Variants in MAF observed in about 807,000 individuals in gnomAD.
The protein encoded by MAF is MAF bZIP transcription factor, also known as transcription factor Maf.
Under a neutral mutation model 22.0 loss-of-function variants are expected in MAF, and 10 were observed. That is an observed-to-expected ratio of 0.45 (90% CI 0.28 to 0.77). The LOEUF (loss-of-function observed/expected upper bound fraction) is 0.77. MAF is among the 30% of genes least tolerant of loss of function. The pLI, the probability that MAF is intolerant of heterozygous loss-of-function variation, is 0.12. For synonymous variants in MAF, 337 were observed against 255.8 expected, an observed-to-expected ratio of 1.32 and a Z score of -3.03; for missense variants, 544 against 548.4, an observed-to-expected ratio of 0.99 and a Z score of 0.08.
At chr16:79,311,171 T>C in the MAF span, among the ~76,000 whole-genome samples, 16 of 152,210 alleles carry the variant, frequency 1.1e-4, no homozygotes, top group African/African-American at 3.9e-4. Context: ...CAGCCCTCTC[T>C]CTGGGCTCTA....
At chr16:79,471,178 G>A in the MAF span, among the ~76,000 whole-genome samples, 11 of 152,214 alleles carry the variant, frequency 7.2e-5, no homozygotes, top group Non-Finnish European at 1.6e-4. Flanking sequence ...TGCAGGGTAA[G>A]ATGGAGAGGC....
At chr16:79,344,839 G>A in the MAF span, among the ~76,000 whole-genome samples, 1 of 152,100 alleles carries the variant, frequency 6.6e-6, no homozygotes, top group Non-Finnish European at 1.5e-5. Context: ...AGAACATAAG[G>A]ACCGATTTGA....
the MAF span, among the ~76,000 whole-genome samples, chr16:79,425,359 G>A: frequency 6.6e-6 from 1 of 151,692 alleles, no homozygotes; most frequent in Non-Finnish European, 1.5e-5. Context: ...TGGCCTCTAT[G>A]GGTAAAAAAA....
intron 1 of MAF, chr16:79,597,296 T>C: frequency 9.6e-7 from 1 of 1,042,616 alleles, no homozygotes; most frequent in Non-Finnish European, 1.2e-6. Flanking sequence ...TTATAAAAAC[T>C]AGAATTAAAT....
At chr16:79,330,268 A>G in the MAF span, among the ~76,000 whole-genome samples, 1 of 152,240 alleles carries the variant, frequency 6.6e-6, no homozygotes, top group Non-Finnish European at 1.5e-5. Context: ...TTTGTTTTTG[A>G]GAACAAAATG....
the MAF span, among the ~76,000 whole-genome samples, chr16:79,299,164 A>T: frequency 6.6e-6 from 1 of 152,044 alleles, no homozygotes; most frequent in Non-Finnish European, 1.5e-5. Flanking sequence ...TTTAGACTGG[A>T]TGCTGGTTAA....
the MAF span, among the ~76,000 whole-genome samples, chr16:79,553,802 A>C: frequency 2.0e-5 from 3 of 152,072 alleles, no homozygotes; most frequent in Admixed American, 6.5e-5. Flanking sequence ...AAAAATAACC[A>C]CCAGGGCTGT....
At chr16:79,574,168 G>T in the MAF span, among the ~76,000 whole-genome samples, 2 of 152,158 alleles carry the variant, frequency 1.3e-5, no homozygotes, top group East Asian at 1.9e-4. Context: ...AGTGCCTTTG[G>T]AGCAGGCCCA....
the MAF span, among the ~76,000 whole-genome samples, chr16:79,312,010 C>T: frequency 6.6e-6 from 1 of 152,134 alleles, no homozygotes; most frequent in South Asian, 2.1e-4. Flanking sequence ...CACTGGGCTG[C>T]TTGACCTTGA....
chr16:79,589,625 G>T (rs1913064610), downstream of MAF, among the ~76,000 whole-genome samples: 1 of 152,240 alleles, frequency 6.6e-6, no homozygotes. Context: ...GGGTCTCAAG[G>T]TGAAGGGCGG....
chr16:79,264,290 A>C, the MAF span, among the ~76,000 whole-genome samples: 2 of 152,210 alleles, frequency 1.3e-5, no homozygotes, highest in Non-Finnish European at 2.9e-5. Context: ...AACTAAAAAC[A>C]ACTGCCTGCC....
the MAF span, among the ~76,000 whole-genome samples, chr16:79,315,662 T>C: frequency 6.6e-6 from 1 of 152,200 alleles, no homozygotes; most frequent in South Asian, 2.1e-4. Flanking sequence ...CTCTAAAGCC[T>C]ATGTTTTAAT....
intron 1 of MAF, among the ~76,000 whole-genome samples, chr16:79,586,416 C>G (rs979997436): frequency 6.6e-6 from 1 of 152,222 alleles, no homozygotes; most frequent in Admixed American, 6.5e-5. Flanking sequence ...TCTGCCCCCA[C>G]CTCCTCTGTT....
At chr16:79,575,146 G>A in the MAF span, among the ~76,000 whole-genome samples, 1 of 151,872 alleles carries the variant, frequency 6.6e-6, no homozygotes, top group African/African-American at 2.4e-5. Context: ...TAGATTCAGA[G>A]ACCCGTTTAT....
chr16:79,217,258 G>C, the MAF span, among the ~76,000 whole-genome samples: 1 of 152,224 alleles, frequency 6.6e-6, no homozygotes, highest in African/African-American at 2.4e-5. Flanking sequence ...GTAGACAGCA[G>C]AGTCAGGATG....
rs1913465080 is a variant in MAF at position 79,595,527 on chromosome 16, C to A, written c.1119-974G>T. The A allele has an allele frequency of 3.8e-6, 4 of 1,059,750 alleles. No individual in the cohort carries two copies. The South Asian group carries it at 1.8e-4, about 48-fold the overall frequency. The allele number at this position is 1,059,750 out of a possible 1,614,324, so 65.6% of individuals were successfully genotyped here. ...CTATTGGTGTGCTAGGGGAAGATGA[C>A]TAAGAGTGCAAACTGCATGAATTTG... On this transcript the variant is annotated intron_variant, in intron 1 of 1. Transcript: ENST00000326043.
At chr16:79,529,055 A>T in the MAF span, among the ~76,000 whole-genome samples, 5 of 152,160 alleles carry the variant, frequency 3.3e-5, no homozygotes, top group African/African-American at 1.2e-4. Context: ...TCTGTAGTCT[A>T]AGTAAGTCAA....
the MAF span, among the ~76,000 whole-genome samples, chr16:79,334,730 C>G: frequency 6.6e-6 from 1 of 152,088 alleles, no homozygotes; most frequent in Non-Finnish European, 1.5e-5. Context: ...AAGCTGAGCA[C>G]TCGAGGTTAG....
the MAF span, among the ~76,000 whole-genome samples, chr16:79,383,185 G>A: frequency 6.6e-6 from 1 of 151,962 alleles, no homozygotes; most frequent in African/African-American, 2.4e-5. Flanking sequence ...GCTCAGACTG[G>A]AAGGGGTACT....
Sources: allele counts gnomAD v4.1 joint callset (sites outside exome capture counted in the v4.1 genomes callset), GRCh38; gene constraint gnomAD v4.1.1; transcripts MANE v1.5; gene names NCBI Gene and HGNC (gene_info 2026-07-23, HGNC 2026-07-21).